Variants in SUSD4 observed in about 807,000 individuals in gnomAD.
SUSD4 encodes the protein sushi domain containing 4.
In SUSD4, 41 loss-of-function variants were observed where a neutral mutation model predicts 50.5. The ratio of observed to expected loss-of-function variants is 0.81; its 90% CI spans 0.63 to 1.05. The LOEUF (loss-of-function observed/expected upper bound fraction) is 1.05. SUSD4 is among the 50% of genes least tolerant of loss of function. The pLI is 0.00. For synonymous variants in SUSD4, 257 were observed against 257.3 expected (o/e 1.00, Z 0.01); for missense variants, 580 against 634.7 (o/e 0.91, Z 0.93).
intron 2 of SUSD4, among the ~76,000 whole-genome samples, chr1:223,303,805 AT>A (rs1258820858): frequency 6.6e-6 from 1 of 152,184 alleles, no homozygotes; most frequent in African/African-American, 2.4e-5. Flanking sequence ...GGATGAAGTA[AT>A]TCTTTAACAT....
chr1:223,259,640 C>G (rs1661956348), intron 5 of SUSD4, among the ~76,000 whole-genome samples: 1 of 152,098 alleles, frequency 6.6e-6, no homozygotes, highest in Admixed American at 6.5e-5. Flanking sequence ...GTGGTCCTAT[C>G]CCCTGTAGAG....
At chr1:223,281,514 T>C in intron 3 of SUSD4, among the ~76,000 whole-genome samples, 1 of 152,162 alleles carries the variant, frequency 6.6e-6, no homozygotes, top group East Asian at 1.9e-4. Flanking sequence ...CCTCGACACA[T>C]ACACTCTCCC....
intron 2 of SUSD4, among the ~76,000 whole-genome samples, chr1:223,324,691 G>A (rs1666773434): frequency 6.6e-6 from 1 of 150,514 alleles, no homozygotes; most frequent in Non-Finnish European, 1.5e-5. Context: ...TAGTAGGGCA[G>A]CAAACTTTCT....
intron 5 of SUSD4, among the ~76,000 whole-genome samples, chr1:223,254,154 G>A (rs1409968187): frequency 6.6e-6 from 1 of 152,194 alleles, no homozygotes; most frequent in Non-Finnish European, 1.5e-5. Context: ...CCATGGATGG[G>A]GGCTTGGGTA....
At chr1:223,288,769 T>C (rs1664299885) in intron 3 of SUSD4, among the ~76,000 whole-genome samples, 1 of 152,228 alleles carries the variant, frequency 6.6e-6, no homozygotes, top group Non-Finnish European at 1.5e-5. Flanking sequence ...TATAAATGAA[T>C]CCTGAATTGA....
intron 5 of SUSD4, among the ~76,000 whole-genome samples, chr1:223,240,412 G>T (rs142285779): frequency 2.6e-4 from 39 of 151,212 alleles, no homozygotes; most frequent in African/African-American, 7.3e-4. Context: ...TCTCTTTCTG[G>T]TATCTCCATT....
At chr1:223,247,419 A>G (rs1661014001) in intron 5 of SUSD4, among the ~76,000 whole-genome samples, 1 of 152,156 alleles carries the variant, frequency 6.6e-6, no homozygotes, top group East Asian at 1.9e-4. Flanking sequence ...CCCCTGAATG[A>G]CTGGGTGGAG....
Position 223,259,309 on chromosome 1 carries a change from A to G in SUSD4, c.724+5321T>C, listed in dbSNP as rs374643550. 1.5e-4 allele frequency among the ~76,000 whole-genome samples: 23 copies of G among 152,326 alleles called. 1 individual carries two copies. The highest frequency in any genetic ancestry group is 6.8e-3 in the Middle Eastern group (2 of 294). On this transcript the variant is annotated intron_variant, in intron 5 of 8. Coordinates refer to ENST00000366878, the MANE Select transcript of SUSD4 (RefSeq NM_017982.4). ...TTTCTAAACTTGATTCCATCTTTTT[A>G]TCTAGAGTGTTGTTGAAGGGAGGAC...
At chr1:223,276,512 C>G (rs761629348) in intron 3 of SUSD4, among the ~76,000 whole-genome samples, 2 of 152,238 alleles carry the variant, frequency 1.3e-5, no homozygotes, top group Non-Finnish European at 2.9e-5. Flanking sequence ...ACCATCATAA[C>G]TGATCACTTC....
Position 223,234,016 on chromosome 1 carries a change from C to T in SUSD4, c.725-4628G>A, listed in dbSNP as rs368670534. ...TTCCTTGTTTCATGACAGAGGGTTA[C>T]GGCTCTTTTCAGACTAGCTGGAAAA... On this transcript the variant is annotated intron_variant, in intron 5 of 8. Transcript: ENST00000366878. Among the ~76,000 whole-genome samples the T allele has an allele frequency of 1.3e-4, 20 of 152,276 alleles. No homozygotes were observed. The South Asian group carries it at 3.7e-3, about 28-fold the overall frequency.
chr1:223,320,590 G>C (rs1194938046), intron 2 of SUSD4, among the ~76,000 whole-genome samples: 2 of 152,120 alleles, frequency 1.3e-5, no homozygotes, highest in African/African-American at 4.8e-5. Flanking sequence ...TCCTTGAGTG[G>C]AACAGAGCAA....
At position 223,330,418 on chromosome 1, in the gene SUSD4, T is replaced by A. The variant is rs1380452377; in HGVS notation, c.148+32860A>T. 1.6e-4 allele frequency among the ~76,000 whole-genome samples: 25 copies of A among 152,242 alleles called. 1 individual carries two copies. The stretch of plus-strand genomic sequence containing the variant: ...CCTGCTTAATATGCCTTCCAAGTTC[T>A]GCTGGAATATCTTTATTCTTTCCTA... On this transcript the variant is annotated intron_variant, in intron 2 of 8. Coordinates refer to ENST00000366878, the MANE Select transcript of SUSD4 (RefSeq NM_017982.4).
chr1:223,325,482 T>C (rs1666823230), intron 2 of SUSD4, among the ~76,000 whole-genome samples: 1 of 152,074 alleles, frequency 6.6e-6, no homozygotes, highest in Admixed American at 6.5e-5. Flanking sequence ...GTTTCACCCA[T>C]TCACCACAAA....
At chr1:223,320,843 C>T (rs1666531355) in intron 2 of SUSD4, among the ~76,000 whole-genome samples, 1 of 152,242 alleles carries the variant, frequency 6.6e-6, no homozygotes, top group Non-Finnish European at 1.5e-5. Context: ...ACAACTCTGT[C>T]ATTCACAAAT....
intron 3 of SUSD4, among the ~76,000 whole-genome samples, chr1:223,287,750 G>A (rs76251276): frequency 0.011 from 1,690 of 152,200 alleles, 28 homozygotes; most frequent in African/African-American, 0.038. Context: ...CCAAGTGACC[G>A]ATGCAACCAG....
intron 3 of SUSD4, among the ~76,000 whole-genome samples, chr1:223,282,992 G>T (rs1347529749): frequency 6.6e-6 from 1 of 152,210 alleles, no homozygotes; most frequent in Non-Finnish European, 1.5e-5. Flanking sequence ...AATGGGGAAA[G>T]CATTCTGTAT....
Position 223,284,871 on chromosome 1 carries a change from G to T in SUSD4, c.361+7568C>A, listed in dbSNP as rs544337093. Among the ~76,000 whole-genome samples, 4 of 152,256 alleles carry T rather than the reference G, an allele frequency of 2.6e-5. No homozygotes were observed. The East Asian group carries it at 7.7e-4, about 29-fold the overall frequency. On this transcript the variant is annotated intron_variant, in intron 3 of 8. Transcript: ENST00000366878. ...GCTACTAGAGGCTGGGAAGGGTAGG[G>T]GAAAGGGTGAGAGAGATTTCTTAAA...
intron 2 of SUSD4, among the ~76,000 whole-genome samples, chr1:223,352,649 C>G (rs149934366): frequency 6.6e-6 from 1 of 152,082 alleles, no homozygotes. Flanking sequence ...CTAGGAATCC[C>G]AAGATCTCCA....
Position 223,229,321 on chromosome 1 carries a change from G to C in SUSD4, c.792C>G (p.Tyr264Ter). The C allele has an allele frequency of 6.2e-7, 1 of 1,611,708 alleles. No homozygotes were observed. The highest frequency in any genetic ancestry group is 8.5e-7 in the Non-Finnish European group (1 of 1,178,112). Residue 264 changes from tyrosine (Y) to a stop codon, truncating the protein, a stop_gained, in exon 6 of 9, where the codon TAC becomes TAG. Coordinates refer to ENST00000366878, the MANE Select transcript of SUSD4 (RefSeq NM_017982.4). LOFTEE classifies it high-confidence loss of function. The surrounding 1 kb of genome is among the most constrained non-coding windows in gnomAD (Gnocchi z 4.7). ...AAAACTCCACCACAGTTCCGTGGTTGTAGCGCTCACAAGGCCGCGGGTGGC... is the reference window on the plus strand; with the variant it reads ...AAAACTCCACCACAGTTCCGTGGTTCTAGCGCTCACAAGGCCGCGGGTGGC... ...FVCHPRPCER[Y>*]NHGTVVEFYC...
Sources: gnomAD v4.1 joint callset for allele counts (sites outside exome capture counted in the v4.1 genomes callset) on GRCh38, gnomAD v4.1.1 for gene constraint, Gnocchi (gnomAD v3.1) non-coding constraint, MANE v1.5 for transcripts, NCBI Gene and HGNC (gene_info 2026-07-23, HGNC 2026-07-21) for gene names.